Variants in NUDT3 observed in about 807,000 individuals in gnomAD.
The protein encoded by NUDT3 is diphosphoinositol polyphosphate phosphohydrolase 1.
A neutral mutation model predicts 23.6 loss-of-function variants in NUDT3; 9 were observed. The observed-to-expected ratio is 0.38, with a 90% CI of 0.23 to 0.66. The LOEUF (loss-of-function observed/expected upper bound fraction) is 0.66. Ranked by LOEUF, NUDT3 falls within the 30% of genes least tolerant of loss-of-function variation. The probability of loss-of-function intolerance (pLI) is 0.52; values close to 1 mark genes in which losing one functional copy is unlikely to be tolerated. For missense variants in NUDT3, 172 were observed against 218.5 expected (o/e 0.79, Z 1.34); for synonymous variants, 86 against 82.6 (o/e 1.04, Z -0.22).
chr6:34,321,031 A>G (rs1377644257), intron 2 of NUDT3, among the ~76,000 whole-genome samples: 1 of 152,170 alleles, frequency 6.6e-6, no homozygotes, highest in East Asian at 1.9e-4. Context: ...TTCTAGCAGG[A>G]GGGACAGGAG....
At chr6:34,389,726 G>A (rs559100028) in intron 1 of NUDT3, among the ~76,000 whole-genome samples, 10 of 152,244 alleles carry the variant, frequency 6.6e-5, no homozygotes, top group Admixed American at 2.0e-4. Flanking sequence ...CACTTTGGGC[G>A]GCCAACGCGG....
At chr6:34,370,982 G>A (rs999288699) in intron 1 of NUDT3, among the ~76,000 whole-genome samples, 13 of 151,876 alleles carry the variant, frequency 8.6e-5, no homozygotes, top group Admixed American at 5.3e-4. Context: ...ATGGTGGCAC[G>A]TACCTGTAAT....
intron 1 of NUDT3, among the ~76,000 whole-genome samples, chr6:34,343,053 A>G (rs966269331): frequency 2.0e-5 from 3 of 152,202 alleles, no homozygotes; most frequent in Non-Finnish European, 4.4e-5. Context: ...AGAGAAGATC[A>G]TGGTGTTATG....
chr6:34,358,497 A>G (rs1561917618), intron 1 of NUDT3, among the ~76,000 whole-genome samples: 1 of 152,058 alleles, frequency 6.6e-6, no homozygotes, highest in South Asian at 2.1e-4. Context: ...ACTCCATCCT[A>G]TGGCTTATTA....
intron 1 of NUDT3, among the ~76,000 whole-genome samples, chr6:34,346,060 C>T (rs989221203): frequency 8.5e-5 from 13 of 152,132 alleles, no homozygotes; most frequent in East Asian, 1.9e-4. Context: ...TGAGCCACCG[C>T]GCCCGGCCAA....
chr6:34,352,276 C>T (rs1764490568), intron 1 of NUDT3, among the ~76,000 whole-genome samples: 1 of 152,136 alleles, frequency 6.6e-6, no homozygotes, highest in Admixed American at 6.5e-5. Context: ...GCAATCCTCT[C>T]AACACCCCCC....
At chr6:34,316,413 A>G (rs1336104813) in intron 2 of NUDT3, among the ~76,000 whole-genome samples, 1 of 152,222 alleles carries the variant, frequency 6.6e-6, no homozygotes, top group African/African-American at 2.4e-5. Flanking sequence ...CACCTCATCT[A>G]AAGGACAGGA....
intron 2 of NUDT3, among the ~76,000 whole-genome samples, chr6:34,297,757 AT>A (rs1190270424): frequency 1.2e-4 from 8 of 68,058 alleles, no homozygotes; most frequent in South Asian, 9.4e-4. Context: ...ATATATATAT[AT>A]AATTTTTTTT....
chr6:34,293,966 CACACCCCTTTTCCCACTA>C (rs1763462128), intron 3 of NUDT3, among the ~76,000 whole-genome samples: 1 of 152,054 alleles, frequency 6.6e-6, no homozygotes, highest in Admixed American at 6.6e-5. Flanking sequence ...TCTTCCCACC[CACACCCCTTTTCCCACTA>C]ACCCCACTTA....
intron 1 of NUDT3, among the ~76,000 whole-genome samples, chr6:34,385,079 T>C (rs1020698055): frequency 2.0e-4 from 30 of 150,716 alleles, no homozygotes; most frequent in Middle Eastern, 3.5e-3. Flanking sequence ...AGAACAAAGA[T>C]TAGCAGATAA....
intron 2 of NUDT3, among the ~76,000 whole-genome samples, chr6:34,303,509 T>G (rs1341754830): frequency 6.6e-6 from 1 of 152,192 alleles, no homozygotes; most frequent in Non-Finnish European, 1.5e-5. Flanking sequence ...GTTAGCATAA[T>G]AGCAAGCATA....
intron 1 of NUDT3, among the ~76,000 whole-genome samples, chr6:34,371,186 T>C (rs113044407): frequency 0.036 from 5,437 of 150,684 alleles, 273 homozygotes; most frequent in African/African-American, 0.11. Flanking sequence ...TGAAAATGCT[T>C]TGGGCCAGGT....
At chr6:34,389,631 C>A (rs543599896) in intron 1 of NUDT3, among the ~76,000 whole-genome samples, 1 of 151,734 alleles carries the variant, frequency 6.6e-6, no homozygotes, top group South Asian at 2.1e-4. Context: ...ACACTCCAAC[C>A]TGGGTGACAC....
intron 1 of NUDT3, among the ~76,000 whole-genome samples, chr6:34,353,605 T>C (rs1764513011): frequency 6.6e-6 from 1 of 152,142 alleles, no homozygotes; most frequent in Non-Finnish European, 1.5e-5. Flanking sequence ...GGTTTCACCA[T>C]GTTGGCCAGG....
At chr6:34,336,758 TA>T (rs138821001) in intron 2 of NUDT3, among the ~76,000 whole-genome samples, 14,596 of 150,292 alleles carry the variant, frequency 0.097, 801 homozygotes, top group Non-Finnish European at 0.12. Context: ...TGAAGTTCTT[TA>T]AAAAAAAAAT....
intron 1 of NUDT3, among the ~76,000 whole-genome samples, chr6:34,350,896 G>A (rs1764456485): frequency 6.6e-6 from 1 of 150,406 alleles, no homozygotes; most frequent in Admixed American, 6.6e-5. Context: ...TATTCTGACA[G>A]TTTTTATCTT....
Position 34,392,639 on chromosome 6 carries a change from C to T in NUDT3, c.-277G>A, listed in dbSNP as rs1049921488. 8.6e-6 allele frequency: 2 copies of T among 232,578 alleles called. No individual in the cohort carries two copies. Among genetic ancestry groups the T allele is most frequent in the African/African-American group, 2.3e-5 (1 of 43,592 alleles). The allele number at this position is 232,578 out of a possible 1,614,324, so 14.4% of individuals were successfully genotyped here. A position where few individuals can be genotyped will look rare whatever the true frequency, so the allele number is the denominator to read the frequency against. On this transcript the variant is annotated 5_prime_UTR_variant, in exon 1 of 5. Coordinates refer to ENST00000607016, the MANE Select transcript of NUDT3 (RefSeq NM_006703.4). Reference sequence around the variant, plus strand: ...CCGCCACCCCCGACGACGACCGCGCCGCCATCTTGGGCGCGATGCGTCAGC... The same window carrying T: ...CCGCCACCCCCGACGACGACCGCGCTGCCATCTTGGGCGCGATGCGTCAGC...
chr6:34,368,404 C>A (rs1056503652), intron 1 of NUDT3, among the ~76,000 whole-genome samples: 2 of 152,194 alleles, frequency 1.3e-5, no homozygotes, highest in Non-Finnish European at 2.9e-5. Flanking sequence ...TGGAAAGGCA[C>A]AGGCCAGGAG....
At chr6:34,323,565 T>A (rs1243123605) in intron 2 of NUDT3, among the ~76,000 whole-genome samples, 1 of 150,486 alleles carries the variant, frequency 6.6e-6, no homozygotes, top group Non-Finnish European at 1.5e-5. Flanking sequence ...AGATCCTGTC[T>A]CAAAAAAAAA....
Sources: allele counts gnomAD v4.1 joint callset (sites outside exome capture counted in the v4.1 genomes callset), GRCh38; gene constraint gnomAD v4.1.1; transcripts MANE v1.5; gene names NCBI Gene and HGNC (gene_info 2026-07-23, HGNC 2026-07-21).